RCOR3: variants seen among roughly 807,000 people sequenced by gnomAD.
The protein encoded by RCOR3 is REST corepressor 3.
Under a neutral mutation model 64.1 loss-of-function variants are expected in RCOR3, and 13 were observed. That is an observed-to-expected ratio of 0.20 (90% confidence interval 0.13 to 0.32). The LOEUF is 0.32. RCOR3 is among the 10% of genes least tolerant of loss of function. The probability of loss-of-function intolerance (pLI) is 1.00; values close to 1 mark genes in which losing one functional copy is unlikely to be tolerated. For synonymous variants in RCOR3, 215 were observed against 239.0 expected, an observed-to-expected ratio of 0.90 and a Z score of 0.93; for missense variants, 489 against 701.2, an observed-to-expected ratio of 0.70 and a Z score of 3.42.
chr1:211,306,283 C>T (rs1013770381), intron 10 of RCOR3, among the ~76,000 whole-genome samples: 6 of 151,712 alleles, frequency 4.0e-5, no homozygotes, highest in Admixed American at 1.3e-4. Context: ...AGTTAAGGGG[C>T]GTAATTGCAG....
At chr1:211,285,440 G>A (rs531856851) in intron 7 of RCOR3, among the ~76,000 whole-genome samples, 1 of 152,228 alleles carries the variant, frequency 6.6e-6, no homozygotes, top group Non-Finnish European at 1.5e-5. Context: ...AATCAATCCC[G>A]GAAGCACTAA....
At chr1:211,266,325 A>G (rs2102439468) in intron 2 of RCOR3, among the ~76,000 whole-genome samples, 1 of 152,194 alleles carries the variant, frequency 6.6e-6, no homozygotes, top group Non-Finnish European at 1.5e-5. Context: ...TTTAATGTCT[A>G]GATTTTTATT....
intron 2 of RCOR3, among the ~76,000 whole-genome samples, chr1:211,265,014 C>T (rs180849822): frequency 6.6e-6 from 1 of 152,104 alleles, no homozygotes; most frequent in African/African-American, 2.4e-5. Flanking sequence ...TTAGTTTTCT[C>T]GTTTGTAAAA....
intron 7 of RCOR3, among the ~76,000 whole-genome samples, chr1:211,279,791 T>C (rs1413738358): frequency 6.6e-6 from 1 of 152,230 alleles, no homozygotes; most frequent in East Asian, 1.9e-4. Flanking sequence ...AATGATCAAC[T>C]ATTCGAATCT....
Position 211,309,886 on chromosome 1 carries a change from C to T in RCOR3, c.1076-2834C>T, listed in dbSNP as rs577808523. Among the ~76,000 whole-genome samples, 3 of 152,268 alleles carry T rather than the reference C, an allele frequency of 2.0e-5. No individual in the cohort carries two copies. The East Asian group carries it at 5.8e-4, about 29-fold the overall frequency. The stretch of plus-strand genomic sequence containing the variant: ...TTTTAAAGGAGCAGTCTCATTGAGT[C>T]AGTTGGGGTTTCACTAGAGTTTGCT... On this transcript the variant is annotated intron_variant, in intron 10 of 11. Transcript: ENST00000419091.
At chr1:211,301,761 A>G (rs1700405918) in intron 9 of RCOR3, 1 of 152,060 alleles carries the variant, frequency 6.6e-6, no homozygotes, top group Non-Finnish European at 1.5e-5. Context: ...CTTTAAAGTT[A>G]TTTGTATTCA....
Position 211,315,784 on chromosome 1 carries a change from C to T in RCOR3, c.*2016C>T, listed in dbSNP as rs1701835370. 6.6e-6 allele frequency: 1 copy of T among 152,146 alleles called. No homozygotes were observed. The highest frequency in any genetic ancestry group is 2.4e-5 in the African/African-American group (1 of 41,426). The allele number at this position is 152,146 out of a possible 1,614,324, so 9.4% of individuals were successfully genotyped here. On this transcript the variant is annotated 3_prime_UTR_variant, in exon 12 of 12. Coordinates refer to ENST00000419091, the MANE Select transcript of RCOR3 (RefSeq NM_001136223.3). ...TCTATCCCAGACATGGGCCAAGGTG[C>T]TGTATCTGAGGGATGTGCTGTAATT...
At position 211,260,124 on chromosome 1, in the gene RCOR3, C is replaced by T. The variant is rs1261705706; in HGVS notation, c.183C>T (p.Val61=). The change falls in exon 2 of 12, where the codon GTC becomes GTT. Residue 61 remains valine, a synonymous_variant. Transcript: ENST00000419091. ...SDDEHDVGMR[V]GAEYQARIPE... ...GCTTTGCAGATGTTGGGATGAGAGT[C>T]GGAGCCGAATACCAAGCTCGGATCC... 2.5e-6 allele frequency: 4 copies of T among 1,611,654 alleles called. No homozygotes were observed.
At chr1:211,272,612 CTTTTTTTTTTTTTTT>C in intron 3 of RCOR3, among the ~76,000 whole-genome samples, 1 of 43,518 alleles carries the variant, frequency 2.3e-5, no homozygotes, top group Non-Finnish European at 3.8e-5. Flanking sequence ...GGATGTCTTA[CTTTTTTTTTTTTTTT>C]TTTTTTTTTT....
At chr1:211,260,195 A>G (rs1571737428) in intron 2 of RCOR3, 31 bp downstream of exon 2, 1 of 1,602,150 alleles carries the variant, frequency 6.2e-7, no homozygotes, top group East Asian at 2.2e-5. Flanking sequence ...AAAATCTCAT[A>G]TCCCCTTTCC....
chr1:211,301,192 T>C (rs1456097813), intron 9 of RCOR3, among the ~76,000 whole-genome samples: 2 of 152,292 alleles, frequency 1.3e-5, no homozygotes, highest in South Asian at 4.1e-4. Flanking sequence ...GTCTTCAAAA[T>C]TGTGTTTAAA....
rs970849571 is a variant in RCOR3, at chr1:211,315,560, A to T, written c.*1792A>T. Reference sequence around the variant, plus strand: ...CTTAAAAGCCACAGGGGACAGTTAAATATCTTAAAATATCTAAAACATTTT... The same window carrying T: ...CTTAAAAGCCACAGGGGACAGTTAATTATCTTAAAATATCTAAAACATTTT... On this transcript the variant is annotated 3_prime_UTR_variant, in exon 12 of 12. Transcript: ENST00000419091. 1 of 152,220 alleles carries T rather than the reference A, an allele frequency of 6.6e-6. No homozygotes were observed. The highest frequency in any genetic ancestry group is 1.5e-5 in the Non-Finnish European group (1 of 68,030). 9.4% of individuals were successfully genotyped at this position (152,220 alleles called of 1,614,324 possible). A position where few individuals can be genotyped will look rare whatever the true frequency, so the allele number is the denominator to read the frequency against.
intron 2 of RCOR3, among the ~76,000 whole-genome samples, chr1:211,263,624 A>T (rs545223450): frequency 1.3e-5 from 2 of 152,240 alleles, no homozygotes; most frequent in South Asian, 4.1e-4. Flanking sequence ...TATCAATCAA[A>T]TGTAGATTAT....
At chr1:211,302,447 C>T (rs1013386707) in intron 9 of RCOR3, 1 of 152,108 alleles carries the variant, frequency 6.6e-6, no homozygotes, top group Admixed American at 6.5e-5. Context: ...TTAAGAGAGG[C>T]CCTTGAGAAA....
At chr1:211,260,411 G>A (rs4951735) in intron 2 of RCOR3, among the ~76,000 whole-genome samples, 145,720 of 152,348 alleles carry the variant, frequency 0.96, 69,759 homozygotes, top group East Asian at 1. Context: ...CGCCTTCCTA[G>A]CCCTTGAGCC....
At chr1:211,271,470 A>G in intron 3 of RCOR3, 161 bp downstream of exon 3, 4 of 671,788 alleles carry the variant, frequency 6.0e-6, no homozygotes, top group Admixed American at 2.3e-5. Flanking sequence ...GGAGGTTGTT[A>G]TATTAGAATG....
At chr1:211,304,217 C>T in intron 10 of RCOR3, 77 bp downstream of exon 10, 1 of 1,045,174 alleles carries the variant, frequency 9.6e-7, no homozygotes, top group Non-Finnish European at 1.3e-6. Context: ...TAGTTCTTCC[C>T]TTCCTTTAGA....
chr1:211,284,048 TTTTA>T (rs1441820097), intron 7 of RCOR3, among the ~76,000 whole-genome samples: 2 of 150,908 alleles, frequency 1.3e-5, no homozygotes, highest in African/African-American at 2.4e-5. Context: ...TTTTATTTTA[TTTTA>T]TTTATTTATT....
At chr1:211,288,540 A>G (rs960221209) in intron 7 of RCOR3, among the ~76,000 whole-genome samples, 52 of 146,508 alleles carry the variant, frequency 3.5e-4, no homozygotes, top group African/African-American at 1.3e-3. Flanking sequence ...ATAAATTATA[A>G]AATTATTTAT....
Sources: allele counts gnomAD v4.1 joint callset (sites outside exome capture counted in the v4.1 genomes callset), GRCh38; gene constraint gnomAD v4.1.1; transcripts MANE v1.5; gene names NCBI Gene and HGNC (gene_info 2026-07-23, HGNC 2026-07-21).